The following ACAN variants were observed in gnomAD, a reference collection of about 807,000 sequenced individuals.
ACAN encodes the protein aggrecan core protein.
In ACAN, 47 loss-of-function variants were observed where a neutral mutation model predicts 169.1. That is an observed-to-expected ratio of 0.28 (90% CI 0.22 to 0.35). ACAN has a LOEUF of 0.35. Ranked by LOEUF, ACAN falls within the 10% of genes least tolerant of loss-of-function variation. The probability of loss-of-function intolerance (pLI) is 1.00; values close to 1 mark genes in which losing one functional copy is unlikely to be tolerated. For synonymous variants in ACAN, 1,115 were observed against 1,112.2 expected, an observed-to-expected ratio of 1.00 and a Z score of -0.05; for missense variants, 2,716 against 2,759.9, an observed-to-expected ratio of 0.98 and a Z score of 0.36.
chr15:88,825,006 C>G (rs367626767), intron 1 of ACAN, among the ~76,000 whole-genome samples: 1 of 151,960 alleles, frequency 6.6e-6, no homozygotes, highest in African/African-American at 2.4e-5. Flanking sequence ...CAATGGCCAG[C>G]GAGGGAAAGA....
At position 88,839,485 on chromosome 15, in the gene ACAN, GTC is replaced by G. The variant is rs1896593966; in HGVS notation, c.454+443_454+444del. Among the ~76,000 whole-genome samples, 1 of 152,186 alleles carries G rather than the reference GTC, an allele frequency of 6.6e-6. No homozygotes were observed. Among genetic ancestry groups the G allele is most frequent in the Non-Finnish European group, 1.5e-5 (1 of 68,040 alleles). ...CAAAGCAAGGGCTGAAGACTCCCTG[GTC>G]TCTTTCTCTCCATGGCCCAAGGAGA... On this transcript the variant is annotated intron_variant, in intron 3 of 18. Transcript: ENST00000560601. The surrounding 1 kb of genome is among the most constrained non-coding windows in gnomAD (Gnocchi z 4.5).
intron 8 of ACAN, 97 bp downstream of exon 8, chr15:88,847,514 T>G: frequency 1.5e-6 from 2 of 1,327,400 alleles, no homozygotes; most frequent in Non-Finnish European, 1.0e-6. Context: ...GAGCACCCAA[T>G]ACCTTGTGGG....
chr15:88,823,998 A>G (rs1367993025), intron 1 of ACAN, among the ~76,000 whole-genome samples: 1 of 152,122 alleles, frequency 6.6e-6, no homozygotes, highest in Non-Finnish European at 1.5e-5. Context: ...CTGTGAGATC[A>G]GGTGACACTC....
In ACAN at chr15:88,873,576, C is replaced by T; in HGVS notation, c.7448-266C>T. ...GAAGCCTGAGTCTGCCTGGCTCTCG[C>T]CCTCCACACCTTTCTACCTCCCTTT... On this transcript the variant is annotated intron_variant, in intron 17 of 18. Coordinates refer to ENST00000560601, the MANE Select transcript of ACAN (RefSeq NM_001369268.1). The surrounding 1 kb of genome is among the most constrained non-coding windows in gnomAD (Gnocchi z 7.5). 2 of 505,286 alleles carry T rather than the reference C, an allele frequency of 4.0e-6. No homozygotes were observed. The highest frequency in any genetic ancestry group is 7.1e-6 in the Non-Finnish European group (2 of 281,798). The allele number at this position is 505,286 out of a possible 1,614,324, so 31.3% of individuals were successfully genotyped here. A position where few individuals can be genotyped will look rare whatever the true frequency, so the allele number is the denominator to read the frequency against.
rs774900373 is a variant in ACAN at position 88,839,987 on chromosome 15, T to C, written c.455-25T>C. 3.2e-6 allele frequency: 5 copies of C among 1,583,326 alleles called. No individual in the cohort carries two copies. In the South Asian group the frequency reaches 5.8e-5, roughly 18 times the overall value. On this transcript the variant is annotated intron_variant, in intron 3 of 18. Coordinates refer to ENST00000560601, the MANE Select transcript of ACAN (RefSeq NM_001369268.1). The surrounding 1 kb of genome is among the most constrained non-coding windows in gnomAD (Gnocchi z 4.5). ...GACTGTGCCTGACCAGCTCTTCCGC[T>C]TGTGGGCGTGTATGTGTCTTGCAGG...
At chr15:88,860,484 A>G in intron 13 of ACAN, 45 bp downstream of exon 13, 1 of 1,549,370 alleles carries the variant, frequency 6.5e-7, no homozygotes, top group Non-Finnish European at 8.9e-7. Context: ...GAGGCGCTGG[A>G]CAGACTTCTT....
intron 1 of ACAN, among the ~76,000 whole-genome samples, chr15:88,821,547 G>C (rs1414927592): frequency 6.6e-6 from 1 of 152,230 alleles, no homozygotes; most frequent in African/African-American, 2.4e-5. Context: ...CTGCTACAGA[G>C]TCTTCCATAT....
At chr15:88,837,247 G>A (rs566316152) in intron 2 of ACAN, among the ~76,000 whole-genome samples, 2 of 152,302 alleles carry the variant, frequency 1.3e-5, no homozygotes, top group East Asian at 3.9e-4. Flanking sequence ...CCCCCTCACA[G>A]TGCAGTCAGT....
Position 88,857,099 on chromosome 15 carries a change from A to T in ACAN, c.4514A>T (p.Asp1505Val). ...VVETSASGIE[D>V]VSELPSGEGL... Reference sequence around the variant, plus strand: ...GAGACTTCTGCCTCTGGAATAGAGGATGTCAGTGAACTTCCTTCAGGAGAA... The same window carrying T: ...GAGACTTCTGCCTCTGGAATAGAGGTTGTCAGTGAACTTCCTTCAGGAGAA... Residue 1505 changes from aspartate (D) to valine (V), a missense_variant, in exon 12 of 19, where the codon GAT becomes GTT. By Grantham distance (152) the Asp-to-Val change is radical. This residue lies in a region of ACAN where 1,389 missense variants were observed against 1,363.7 expected (regional missense o/e 1.02). Transcript: ENST00000560601. 6.2e-7 allele frequency: 1 copy of T among 1,606,646 alleles called. No individual in the cohort carries two copies. Among genetic ancestry groups the T allele is most frequent in the Non-Finnish European group, 8.5e-7 (1 of 1,175,356 alleles).
chr15:88,850,867 C>G (rs982337989), intron 10 of ACAN: 1 of 151,846 alleles, frequency 6.6e-6, no homozygotes, highest in African/African-American at 2.4e-5. Flanking sequence ...TCACCTCAAC[C>G]CAGGAGGCGG....
intron 4 of ACAN, 123 bp from the exon 5 acceptor site, chr15:88,841,617 G>C: frequency 8.0e-7 from 1 of 1,257,280 alleles, no homozygotes; most frequent in Non-Finnish European, 1.1e-6. Context: ...ATATTCAGAA[G>C]AGACATTGTC....
At chr15:88,813,580 G>A (rs1895872372) in intron 1 of ACAN, among the ~76,000 whole-genome samples, 1 of 152,192 alleles carries the variant, frequency 6.6e-6, no homozygotes, top group African/African-American at 2.4e-5. Flanking sequence ...GGGAGGAGCT[G>A]CTTTTAGGAA....
intron 1 of ACAN, among the ~76,000 whole-genome samples, chr15:88,835,059 G>T (rs534097057): frequency 2.0e-5 from 3 of 152,338 alleles, no homozygotes; most frequent in South Asian, 2.1e-4. Flanking sequence ...TAATCCACAT[G>T]AAGTCATTGA....
rs1895727216 is a variant in ACAN, at chr15:88,807,933, G to A, written c.-8+4124G>A. ...TGGGGTGTGTGATGCTGGGCATCAC[G>A]ATTTGGATATTTGGTTACCTTTGAG... is the stretch of plus-strand genomic sequence containing the variant. On this transcript the variant is annotated intron_variant, in intron 1 of 18. Coordinates refer to ENST00000560601, the MANE Select transcript of ACAN (RefSeq NM_001369268.1). This position sits in a 1 kb window ranked among gnomAD's most constrained non-coding sequence, Gnocchi z 4.0. Among the ~76,000 whole-genome samples, 1 of 152,126 alleles carries A rather than the reference G, an allele frequency of 6.6e-6. No individual in the cohort carries two copies. Among genetic ancestry groups the A allele is most frequent in the Admixed American group, 6.5e-5 (1 of 15,280 alleles).
Position 88,857,075 on chromosome 15 carries a change from A to C in ACAN, c.4490A>C (p.Glu1497Ala). 1 of 1,606,078 alleles carries C rather than the reference A, an allele frequency of 6.2e-7. No individual in the cohort carries two copies. Among genetic ancestry groups the C allele is most frequent in the Non-Finnish European group, 8.5e-7 (1 of 1,175,400 alleles). ...GGGCTTCCTTCTGGAGAGGTTGTAG[A>C]GACTTCTGCCTCTGGAATAGAGGAT... ...ISGLPSGEVV[E>A]TSASGIEDVS... is the part of the protein sequence containing the mutation. Residue 1497 changes from glutamate to alanine, a missense_variant, in exon 12 of 19, where the codon GAG (glutamate) becomes GCG (alanine). Transcript: ENST00000560601.
At chr15:88,837,717 G>T (rs1368928037) in intron 2 of ACAN, among the ~76,000 whole-genome samples, 1 of 152,174 alleles carries the variant, frequency 6.6e-6, no homozygotes, top group Non-Finnish European at 1.5e-5. Context: ...CAGTGGGACT[G>T]CCCAGGACAT....
At chr15:88,808,940 G>T (rs1422934306) in intron 1 of ACAN, among the ~76,000 whole-genome samples, 7 of 152,186 alleles carry the variant, frequency 4.6e-5, no homozygotes, top group Admixed American at 4.6e-4. Context: ...AAAAAATGTG[G>T]GCTTTGGTGG....
chr15:88,835,501 T>G (rs917774566), intron 1 of ACAN, among the ~76,000 whole-genome samples: 4 of 152,170 alleles, frequency 2.6e-5, no homozygotes, highest in African/African-American at 9.7e-5. Flanking sequence ...AAGGTCTGCA[T>G]GATAAGTTGG....
rs1567189833 is a variant in ACAN at position 88,861,206 on chromosome 15, C to T, written c.6946+767C>T. Among the ~76,000 whole-genome samples, 1 of 152,162 alleles carries T rather than the reference C, an allele frequency of 6.6e-6. No individual in the cohort carries two copies. The highest frequency in any genetic ancestry group is 2.1e-4 in the South Asian group (1 of 4,828). On this transcript the variant is annotated intron_variant, in intron 13 of 18. Transcript: ENST00000560601. The surrounding 1 kb of genome is among the most constrained non-coding windows in gnomAD (Gnocchi z 6.3). ...CCTTGAGGAAAGAAATGCCCAGTTACCACCAAGCTCATGTTCTTTCATTAG... is the reference window on the plus strand; with the variant it reads ...CCTTGAGGAAAGAAATGCCCAGTTATCACCAAGCTCATGTTCTTTCATTAG...
Sources: allele counts gnomAD v4.1 joint callset (sites outside exome capture counted in the v4.1 genomes callset), GRCh38; gene constraint gnomAD v4.1.1; regional missense constraint gnomAD v4.1.1; non-coding constraint Gnocchi (gnomAD v3.1); transcripts MANE v1.5; gene names NCBI Gene and HGNC (gene_info 2026-07-23, HGNC 2026-07-21).